Variants in RBBP5 observed in about 807,000 individuals in gnomAD.
The protein encoded by RBBP5 is retinoblastoma-binding protein 5.
A neutral mutation model predicts 72.2 loss-of-function variants in RBBP5; 5 were observed. That is an observed-to-expected ratio of 0.07 (90% CI 0.04 to 0.15). The LOEUF (loss-of-function observed/expected upper bound fraction) is 0.15, where lower values mean the gene tolerates loss of function less well. Among genes scored for constraint, RBBP5 ranks in the 10% least tolerant of loss-of-function variants. The pLI, the probability that RBBP5 is intolerant of heterozygous loss-of-function variation, is 1.00. For missense variants in RBBP5, 322 were observed against 652.2 expected (o/e 0.49, Z 5.51); for synonymous variants, 209 against 237.2 (o/e 0.88, Z 1.09).
In RBBP5 at chr1:205,108,965, G is replaced by T. The variant is rs574980100; in HGVS notation, c.219-3797C>A. Among the ~76,000 whole-genome samples the T allele has an allele frequency of 9.2e-5, 14 of 152,202 alleles. No individual in the cohort carries two copies. In the South Asian group the frequency reaches 1.2e-3, roughly 14 times the overall value. ...GTGCTCAATGCCTGGTACATAATAA[G>T]TGCTCAAAAAATTATTTATATCAGA... is the stretch of plus-strand genomic sequence containing the variant. On this transcript the variant is annotated intron_variant, in intron 3 of 13. Coordinates refer to ENST00000264515, the MANE Select transcript of RBBP5 (RefSeq NM_005057.4).
intron 1 of RBBP5, among the ~76,000 whole-genome samples, chr1:205,119,165 G>A (rs1558584235): frequency 6.6e-6 from 1 of 152,114 alleles, no homozygotes; most frequent in African/African-American, 2.4e-5. Flanking sequence ...GGCCAAGGTG[G>A]GCAGATCACT....
intron 11 of RBBP5, 47 bp downstream of exon 11, chr1:205,097,279 C>T: frequency 6.6e-7 from 1 of 1,526,608 alleles, no homozygotes; most frequent in Non-Finnish European, 8.9e-7. Flanking sequence ...CCCCCAGAGG[C>T]CAGGAGCAGC....
chr1:205,104,245 G>A (rs1057514238), intron 4 of RBBP5, among the ~76,000 whole-genome samples: 1 of 152,224 alleles, frequency 6.6e-6, no homozygotes, highest in South Asian at 2.1e-4. Flanking sequence ...TAAGAGGCCA[G>A]GTGCAGTGGC....
At chr1:205,120,176 T>C (rs1282465097) in intron 1 of RBBP5, among the ~76,000 whole-genome samples, 2 of 152,138 alleles carry the variant, frequency 1.3e-5, no homozygotes, top group Non-Finnish European at 1.5e-5. Flanking sequence ...GCCTTCCTCA[T>C]CACTCATATA....
chr1:205,089,839 TTTTA>T (rs1266222458), intron 13 of RBBP5, among the ~76,000 whole-genome samples: 3 of 152,164 alleles, frequency 2.0e-5, no homozygotes, highest in Non-Finnish European at 4.4e-5. Context: ...TGCATTGATT[TTTTA>T]TTTATTTTAT....
At chr1:205,093,170 T>C (rs1444436646) in intron 13 of RBBP5, among the ~76,000 whole-genome samples, 4 of 151,664 alleles carry the variant, frequency 2.6e-5, no homozygotes, top group Non-Finnish European at 5.9e-5. Context: ...TTACAATATA[T>C]ACAAACATGC....
At chr1:205,092,092 C>T (rs1655370619) in intron 13 of RBBP5, 1 of 152,166 alleles carries the variant, frequency 6.6e-6, no homozygotes, top group Non-Finnish European at 1.5e-5. Flanking sequence ...AAGCCCTACC[C>T]TCACCCAAAC....
chr1:205,096,179 C>A (rs919813842), intron 12 of RBBP5, among the ~76,000 whole-genome samples: 4 of 151,480 alleles, frequency 2.6e-5, no homozygotes, highest in African/African-American at 9.7e-5. Flanking sequence ...GGCAACAGAG[C>A]GAGACCCTGT....
chr1:205,094,783 G>C, intron 13 of RBBP5, 90 bp downstream of exon 13: 1 of 1,335,634 alleles, frequency 7.5e-7, no homozygotes, highest in Non-Finnish European at 1.0e-6. Context: ...GGGAAGAGAG[G>C]GGGAAAAAAT....
chr1:205,113,346 T>C (rs1434392114), intron 3 of RBBP5, among the ~76,000 whole-genome samples: 1 of 151,998 alleles, frequency 6.6e-6, no homozygotes, highest in South Asian at 2.1e-4. Flanking sequence ...AGTGGCACAA[T>C]CATGGCTCAT....
chr1:205,114,989 GA>G (rs1356852301), intron 2 of RBBP5, 28 bp from the exon 3 acceptor site: 4 of 1,551,988 alleles, frequency 2.6e-6, no homozygotes, highest in Non-Finnish European at 3.5e-6. Flanking sequence ...TACAAGAATA[GA>G]GGCAACAATA....
At chr1:205,109,702 A>T (rs967172846) in intron 3 of RBBP5, among the ~76,000 whole-genome samples, 16 of 152,188 alleles carry the variant, frequency 1.1e-4, no homozygotes, top group Non-Finnish European at 1.8e-4. Context: ...AAAAGTAAAA[A>T]CTAAAAAAAA....
At chr1:205,112,660 G>C (rs1470315314) in intron 3 of RBBP5, among the ~76,000 whole-genome samples, 2 of 151,818 alleles carry the variant, frequency 1.3e-5, no homozygotes, top group African/African-American at 4.8e-5. Context: ...CTATGTAGTT[G>C]AGGAAAAAAA....
intron 6 of RBBP5, among the ~76,000 whole-genome samples, chr1:205,100,627 CTAAA>C (rs1655783284): frequency 6.6e-6 from 1 of 152,122 alleles, no homozygotes; most frequent in Non-Finnish European, 1.5e-5. Context: ...AGGTAATAAA[CTAAA>C]TATGTCATTT....
rs201673316 is a variant in RBBP5, at chr1:205,099,826, A to G, written c.907-14T>C. On this transcript the variant is annotated splice_polypyrimidine_tract_variant and intron_variant, in intron 8 of 13. Transcript: ENST00000264515. This position sits in a 1 kb window ranked among gnomAD's most constrained non-coding sequence, Gnocchi z 4.7. ...AACAGGATGCCACTAAATTTTAGTG[A>G]AGGAAAGAAAAACAGGTTGTTAAGA... 1 of 1,613,584 alleles carries G rather than the reference A, an allele frequency of 6.2e-7. No individual in the cohort carries two copies. The highest frequency in any genetic ancestry group is 8.5e-7 in the Non-Finnish European group (1 of 1,179,528).
chr1:205,095,631 A>C (rs1381194821), intron 12 of RBBP5, among the ~76,000 whole-genome samples: 1 of 152,226 alleles, frequency 6.6e-6, no homozygotes, highest in Non-Finnish European at 1.5e-5. Flanking sequence ...TGAGAGCAGA[A>C]AGAGAATGGA....
At chr1:205,092,016 T>A (rs1341250888) in intron 13 of RBBP5, 1 of 152,154 alleles carries the variant, frequency 6.6e-6, no homozygotes, top group African/African-American at 2.4e-5. Context: ...CATATGCAAA[T>A]CAGCAGCAGG....
At chr1:205,094,809 A>T in intron 13 of RBBP5, 64 bp downstream of exon 13, 2 of 1,443,000 alleles carry the variant, frequency 1.4e-6, no homozygotes, top group East Asian at 4.8e-5. Context: ...AGTTAAATGA[A>T]GTCAAGGGCT....
intron 5 of RBBP5, 112 bp downstream of exon 5, chr1:205,103,745 A>G: frequency 8.1e-7 from 1 of 1,234,672 alleles, no homozygotes; most frequent in Non-Finnish European, 1.1e-6. Flanking sequence ...TTTGCTGCAG[A>G]AAGGAGCTGT....
Sources: gnomAD v4.1 joint callset for allele counts (sites outside exome capture counted in the v4.1 genomes callset) on GRCh38, gnomAD v4.1.1 for gene constraint, Gnocchi (gnomAD v3.1) non-coding constraint, MANE v1.5 for transcripts, NCBI Gene and HGNC (gene_info 2026-07-23, HGNC 2026-07-21) for gene names.